The following SLC25A48 variants were observed in gnomAD, a reference collection of about 807,000 sequenced individuals.
SLC25A48 encodes CTC-321K16.1.
A neutral mutation model predicts 32.2 loss-of-function variants in SLC25A48; 29 were observed. That is an observed-to-expected ratio of 0.90 (90% CI 0.67 to 1.23). The LOEUF is 1.23. SLC25A48 is among the 50% of genes most tolerant of loss of function. The pLI, the probability that SLC25A48 is intolerant of heterozygous loss-of-function variation, is 0.00. For missense variants in SLC25A48, 399 were observed against 422.7 expected, an observed-to-expected ratio of 0.94 and a Z score of 0.49; for synonymous variants, 164 against 172.3, an observed-to-expected ratio of 0.95 and a Z score of 0.38.
intron 3 of SLC25A48, among the ~76,000 whole-genome samples, chr5:135,799,114 C>T (rs765234948): frequency 3.3e-5 from 5 of 150,912 alleles, no homozygotes; most frequent in Admixed American, 6.6e-5. Context: ...ATGTACAGGG[C>T]GGGAGAGGAT....
intron 1 of SLC25A48, among the ~76,000 whole-genome samples, chr5:135,618,751 A>G (rs1342615935): frequency 4.6e-5 from 7 of 152,058 alleles, no homozygotes; most frequent in Admixed American, 4.6e-4. Context: ...TTTATGAAGG[A>G]AAATTTTTCT....
intron 3 of SLC25A48, among the ~76,000 whole-genome samples, chr5:135,719,878 T>C (rs1308641219): frequency 2.0e-5 from 3 of 152,110 alleles, no homozygotes; most frequent in Non-Finnish European, 2.9e-5. Flanking sequence ...TGACACCACC[T>C]TCCACACTGA....
exon 4 of SLC25A48, chr5:135,812,772 G>A (rs1470278984): frequency 2.0e-5 from 3 of 152,304 alleles, no homozygotes; most frequent in African/African-American, 7.2e-5. Flanking sequence ...GAAGCTGTCC[G>A]GCCCCTCTGC....
intron 3 of SLC25A48, among the ~76,000 whole-genome samples, chr5:135,702,203 C>T (rs1354397399): frequency 3.3e-5 from 5 of 152,222 alleles, no homozygotes; most frequent in African/African-American, 9.6e-5. Context: ...GATATGTCCA[C>T]GTCCTAATGC....
At chr5:135,646,659 T>TTTTATATATATATATA (rs1339935279) in intron 3 of SLC25A48, among the ~76,000 whole-genome samples, 7 of 125,400 alleles carry the variant, frequency 5.6e-5, no homozygotes, top group African/African-American at 1.8e-4. Flanking sequence ...TAATTTCCCA[T>TTTTATATATATATATA]TATATATATA....
intron 1 of SLC25A48, among the ~76,000 whole-genome samples, chr5:135,628,786 C>G (rs965522326): frequency 1.3e-5 from 2 of 152,174 alleles, no homozygotes; most frequent in African/African-American, 4.8e-5. Context: ...TCATTCCCAC[C>G]TGTCCTCCCT....
intron 3 of SLC25A48, among the ~76,000 whole-genome samples, chr5:135,788,486 T>A (rs11957909): frequency 0.26 from 37,987 of 146,102 alleles, 5,083 homozygotes; most frequent in East Asian, 0.44. Context: ...GGGTGATATT[T>A]CTTCCCATGG....
At chr5:135,764,702 T>C (rs1056147085) in intron 3 of SLC25A48, among the ~76,000 whole-genome samples, 3 of 141,880 alleles carry the variant, frequency 2.1e-5, no homozygotes, top group Middle Eastern at 4.0e-3. Flanking sequence ...CAATTCATAA[T>C]ATCTGGGGGG....
chr5:135,747,561 G>A (rs1187001117), intron 3 of SLC25A48, among the ~76,000 whole-genome samples: 1 of 151,978 alleles, frequency 6.6e-6, no homozygotes, highest in Non-Finnish European at 1.5e-5. Flanking sequence ...GGGAGCCTTG[G>A]TTACTTTTAG....
Position 135,836,985 on chromosome 5 carries a change from AC to A in SLC25A48, c.46+2093del, listed in dbSNP as rs1758589774. Among the ~76,000 whole-genome samples, 11 of 8,452 alleles carry A rather than the reference AC, an allele frequency of 1.3e-3. No individual in the cohort carries two copies. The South Asian group carries it at 0.022, about 17-fold the overall frequency. 5.5% of individuals were successfully genotyped at this position (8,452 alleles called of 152,430 possible). ...CCCCCCCCCCACCCCCCCCCCCCAC[AC>A]ACACACACATTTTGTTTGAGATTTT... On this transcript the variant is annotated intron_variant, in intron 1 of 7. Coordinates refer to ENST00000681962, the MANE Select transcript of SLC25A48 (RefSeq NM_001349336.2).
In SLC25A48 at chr5:135,769,187, T is replaced by TG. The variant is rs942129947; in HGVS notation, c.-520-43330dup. ...CCTGTGATATTGTTCATAATATTTATGGGGGGAAAGGAAAATATTACTCCT... is the reference window on the plus strand; with the variant it reads ...CCTGTGATATTGTTCATAATATTTATGGGGGGGAAAGGAAAATATTACTCCT... On this transcript the variant is annotated intron_variant, in intron 3 of 10. Coordinates refer to the SLC25A48 transcript ENST00000646290. 2.2e-4 allele frequency among the ~76,000 whole-genome samples: 29 copies of TG among 132,688 alleles called. 1 individual carries two copies. The highest frequency in any genetic ancestry group is 1.8e-3 in the Admixed American group (22 of 12,036). The allele number at this position is 132,688 out of a possible 152,430, so 87.0% of individuals were successfully genotyped here.
intron 3 of SLC25A48, among the ~76,000 whole-genome samples, chr5:135,647,350 C>T (rs973296384): frequency 2.0e-5 from 3 of 152,156 alleles, no homozygotes; most frequent in Non-Finnish European, 4.4e-5. Flanking sequence ...TATTATCCTT[C>T]TCCATTTGTT....
chr5:135,702,865 T>A (rs1754424174), intron 3 of SLC25A48, among the ~76,000 whole-genome samples: 1 of 152,248 alleles, frequency 6.6e-6, no homozygotes, highest in Admixed American at 6.5e-5. Context: ...TGAGAAAGGC[T>A]ATTCAACACC....
intron 1 of SLC25A48, among the ~76,000 whole-genome samples, chr5:135,587,022 A>G (rs776499771): frequency 2.0e-5 from 3 of 151,702 alleles, no homozygotes; most frequent in Non-Finnish European, 4.4e-5. Flanking sequence ...AGGGCATTGT[A>G]TTTTTTTTGT....
chr5:135,677,042 A>G (rs1753789038), intron 3 of SLC25A48, among the ~76,000 whole-genome samples: 1 of 151,972 alleles, frequency 6.6e-6, no homozygotes, highest in Admixed American at 6.5e-5. Flanking sequence ...GTCTAATGCT[A>G]ATAGTAGAGG....
intron 3 of SLC25A48, among the ~76,000 whole-genome samples, chr5:135,709,261 A>G (rs1260677401): frequency 1.3e-5 from 2 of 152,206 alleles, no homozygotes; most frequent in Non-Finnish European, 2.9e-5. Context: ...TCTGGGAAGG[A>G]ACTGGAATTG....
At chr5:135,691,406 A>C (rs1252991500) in intron 3 of SLC25A48, among the ~76,000 whole-genome samples, 1 of 152,330 alleles carries the variant, frequency 6.6e-6, no homozygotes, top group Admixed American at 6.5e-5. Flanking sequence ...CTGCTTCAGC[A>C]GGAGGAGGGA....
At chr5:135,835,678 TAAAAAAA>T (rs35114794) in intron 1 of SLC25A48, among the ~76,000 whole-genome samples, 5 of 70,412 alleles carry the variant, frequency 7.1e-5, no homozygotes, top group African/African-American at 1.2e-4. Context: ...TTGCTAATTG[TAAAAAAA>T]AAAAAAAAAA....
At chr5:135,819,378 T>C (rs1292469744) in intron 4 of SLC25A48, among the ~76,000 whole-genome samples, 5 of 152,058 alleles carry the variant, frequency 3.3e-5, no homozygotes, top group Non-Finnish European at 5.9e-5. Context: ...CTACATACAG[T>C]AGAATAACAA....
Sources: allele counts gnomAD v4.1 joint callset (sites outside exome capture counted in the v4.1 genomes callset), GRCh38; gene constraint gnomAD v4.1.1; transcripts MANE v1.5; gene names NCBI Gene and HGNC (gene_info 2026-07-23, HGNC 2026-07-21).